The following PHLDB2 variants were observed in gnomAD, a reference collection of about 807,000 sequenced individuals.
PHLDB2 encodes the protein pleckstrin homology-like domain family B member 2.
A neutral mutation model predicts 123.6 loss-of-function variants in PHLDB2; 71 were observed. That is an observed-to-expected ratio of 0.57 (90% confidence interval 0.47 to 0.70). The LOEUF (loss-of-function observed/expected upper bound fraction) is 0.70, where lower values mean the gene tolerates loss of function less well. Among genes scored for constraint, PHLDB2 ranks in the 30% least tolerant of loss-of-function variants. The pLI is 0.00. For missense variants in PHLDB2, 1,446 were observed against 1,519.5 expected, an observed-to-expected ratio of 0.95 and a Z score of 0.80; for synonymous variants, 547 against 541.6, an observed-to-expected ratio of 1.01 and a Z score of -0.14.
intron 13 of PHLDB2, among the ~76,000 whole-genome samples, chr3:111,966,205 C>A (rs532861110): frequency 6.6e-6 from 1 of 152,028 alleles, no homozygotes. Context: ...TCTTGTTGGT[C>A]TGATATCTTT....
intron 2 of PHLDB2, among the ~76,000 whole-genome samples, chr3:111,912,717 G>A (rs1282948): frequency 0.58 from 87,482 of 152,142 alleles, 25,423 homozygotes; most frequent in East Asian, 0.71. Flanking sequence ...TAGAGAATTA[G>A]TTTTAAGCAC....
At chr3:111,830,531 C>T (rs1213603634) in intron 1 of PHLDB2, among the ~76,000 whole-genome samples, 74 of 143,852 alleles carry the variant, frequency 5.1e-4, no homozygotes, top group African/African-American at 1.8e-3. Context: ...AAAAAAGGGC[C>T]GGGCGCGGTG....
chr3:111,763,420 C>T (rs1376837594), intron 1 of PHLDB2, among the ~76,000 whole-genome samples: 1 of 152,152 alleles, frequency 6.6e-6, no homozygotes, highest in African/African-American at 2.4e-5. Flanking sequence ...TGTTTTAGTT[C>T]GCTCATCTGT....
chr3:111,784,318 G>A (rs994610402), intron 1 of PHLDB2, among the ~76,000 whole-genome samples: 1 of 152,186 alleles, frequency 6.6e-6, no homozygotes, highest in Non-Finnish European at 1.5e-5. Flanking sequence ...AGGACTGTCT[G>A]CAAAAATTGT....
rs760725795 is a variant in PHLDB2 at position 111,969,802 on chromosome 3, A to G, written c.3428A>G (p.Glu1143Gly). Residue 1143 changes from glutamate (E) to glycine (G), a missense_variant, in exon 16 of 18, where the codon GAG becomes GGG. Transcript: ENST00000431670. ...IDTCYHVSIT[E>G]KTCRGFLIKM... ...ACCTGTTACCATGTATCAATCACAG[A>G]GAAGACCTGCCGAGGATTCCTCATC... The G allele has an allele frequency of 2.5e-6, 4 of 1,613,982 alleles. No homozygotes were observed. In the African/African-American group the frequency reaches 5.3e-5, roughly 22 times the overall value.
intron 1 of PHLDB2, among the ~76,000 whole-genome samples, chr3:111,771,282 T>C (rs1042277058): frequency 3.9e-5 from 6 of 152,200 alleles, no homozygotes; most frequent in African/African-American, 1.4e-4. Flanking sequence ...TGTCTTAGCT[T>C]CTGGTGGTTT....
At chr3:111,850,258 G>T (rs2064193005) in intron 2 of PHLDB2, among the ~76,000 whole-genome samples, 1 of 152,096 alleles carries the variant, frequency 6.6e-6, no homozygotes, top group South Asian at 2.1e-4. Flanking sequence ...GTACACAAAG[G>T]TATACAGAGT....
At chr3:111,740,610 A>G (rs2059586512) in intron 1 of PHLDB2, among the ~76,000 whole-genome samples, 2 of 152,224 alleles carry the variant, frequency 1.3e-5, no homozygotes, top group South Asian at 4.1e-4. Flanking sequence ...AAGGATAGAT[A>G]ACACGTAACA....
chr3:111,846,666 G>A (rs1256849179), intron 2 of PHLDB2, among the ~76,000 whole-genome samples: 1 of 152,116 alleles, frequency 6.6e-6, no homozygotes, highest in Admixed American at 6.5e-5. Flanking sequence ...GACACAAGAA[G>A]TTAAAATAGA....
intron 1 of PHLDB2, among the ~76,000 whole-genome samples, chr3:111,779,330 T>C (rs2060325768): frequency 6.6e-6 from 1 of 152,170 alleles, no homozygotes; most frequent in Non-Finnish European, 1.5e-5. Flanking sequence ...TACTGAGATT[T>C]GGGGTATGAT....
chr3:111,940,017 A>G (rs1553224), intron 7 of PHLDB2, among the ~76,000 whole-genome samples: 73,617 of 152,014 alleles, frequency 0.48, 18,766 homozygotes, highest in Non-Finnish European at 0.57. Flanking sequence ...GCTTATTACC[A>G]TTAGAAGTAG....
chr3:111,892,081 T>C (rs2066533499), intron 2 of PHLDB2, among the ~76,000 whole-genome samples: 2 of 152,210 alleles, frequency 1.3e-5, no homozygotes, highest in Non-Finnish European at 2.9e-5. Context: ...GCCACATTGA[T>C]ACTTATTTCT....
At chr3:111,953,661 G>T in intron 11 of PHLDB2, 1 of 318,800 alleles carries the variant, frequency 3.1e-6, no homozygotes, top group Non-Finnish European at 5.9e-6. Flanking sequence ...CATTCTTTCA[G>T]GTGATTTTGG....
chr3:111,854,810 G>A (rs938363480), upstream of PHLDB2, among the ~76,000 whole-genome samples: 10 of 152,180 alleles, frequency 6.6e-5, no homozygotes, highest in African/African-American at 2.4e-4. Flanking sequence ...ATGAACAGAA[G>A]CCATGTCCCC....
At chr3:111,942,695 G>A (rs2069988370) in intron 8 of PHLDB2, among the ~76,000 whole-genome samples, 1 of 152,080 alleles carries the variant, frequency 6.6e-6, no homozygotes, top group Non-Finnish European at 1.5e-5. Context: ...AGAAGGCTGT[G>A]AAGGGCCTTA....
intron 2 of PHLDB2, among the ~76,000 whole-genome samples, chr3:111,893,058 C>T (rs2066593929): frequency 6.6e-6 from 1 of 150,688 alleles, no homozygotes; most frequent in East Asian, 2.0e-4. Context: ...TCTCTATTTG[C>T]TTCTTGCTGT....
intron 1 of PHLDB2, among the ~76,000 whole-genome samples, chr3:111,839,414 T>C (rs1273669365): frequency 1.3e-5 from 2 of 152,198 alleles, no homozygotes; most frequent in Non-Finnish European, 2.9e-5. Flanking sequence ...TCAACAGTGA[T>C]GCGCTCTCTG....
At chr3:111,951,701 A>G (rs993694619) in intron 10 of PHLDB2, among the ~76,000 whole-genome samples, 3 of 152,058 alleles carry the variant, frequency 2.0e-5, no homozygotes, top group Admixed American at 6.5e-5. Context: ...ATTCTTATCT[A>G]TATGTTTCAA....
chr3:111,765,740 T>C (rs981633330), intron 1 of PHLDB2, among the ~76,000 whole-genome samples: 7 of 152,224 alleles, frequency 4.6e-5, no homozygotes, highest in Non-Finnish European at 1.0e-4. Flanking sequence ...AACTAGGTTA[T>C]ATCCAGAAGT....
Sources: gnomAD v4.1 joint callset for allele counts (sites outside exome capture counted in the v4.1 genomes callset) on GRCh38, gnomAD v4.1.1 for gene constraint, MANE v1.5 for transcripts, NCBI Gene and HGNC (gene_info 2026-07-23, HGNC 2026-07-21) for gene names.